The following BIN2 variants were observed in gnomAD, a reference collection of about 807,000 sequenced individuals.
BIN2 encodes breast cancer associated protein BRAP1.
Under a neutral mutation model 67.9 loss-of-function variants are expected in BIN2, and 43 were observed. The ratio of observed to expected loss-of-function variants is 0.63; its 90% CI spans 0.50 to 0.82. BIN2 has a LOEUF of 0.82. Ranked by LOEUF, BIN2 falls within the 40% of genes least tolerant of loss-of-function variation. The pLI is 0.00. For missense variants in BIN2, 581 were observed against 671.6 expected (o/e 0.87, Z 1.49); for synonymous variants, 244 against 246.8 (o/e 0.99, Z 0.11).
intron 11 of BIN2, among the ~76,000 whole-genome samples, chr12:51,285,251 A>T (rs1462772236): frequency 6.6e-6 from 1 of 152,144 alleles, no homozygotes; most frequent in Non-Finnish European, 1.5e-5. Context: ...TTTGGGAAAA[A>T]TTTTAGGTTC....
At chr12:51,283,785 G>A (rs748679459) in intron 12 of BIN2, among the ~76,000 whole-genome samples, 9 of 151,940 alleles carry the variant, frequency 5.9e-5, no homozygotes, top group Non-Finnish European at 1.3e-4. Context: ...ATCTGAGGTC[G>A]GGAGTTTGAG....
At chr12:51,301,243 CA>C (rs772588515) in intron 5 of BIN2, among the ~76,000 whole-genome samples, 1 of 150,514 alleles carries the variant, frequency 6.6e-6, no homozygotes, top group Admixed American at 6.6e-5. Context: ...AAAACAAAAA[CA>C]AAAAAAAACT....
chr12:51,313,677 A>G, intron 2 of BIN2, 146 bp downstream of exon 2: 1 of 670,144 alleles, frequency 1.5e-6, no homozygotes, highest in Non-Finnish European at 2.6e-6. Flanking sequence ...AGGATAAGCA[A>G]CAGGTCACCC....
At chr12:51,320,305 C>T (rs908834487) in intron 1 of BIN2, among the ~76,000 whole-genome samples, 6 of 152,184 alleles carry the variant, frequency 3.9e-5, no homozygotes, top group African/African-American at 1.4e-4. Flanking sequence ...CAGGCATGAG[C>T]CATGGCGCTT....
intron 9 of BIN2, among the ~76,000 whole-genome samples, chr12:51,295,563 A>T (rs1167762493): frequency 2.7e-4 from 2 of 7,364 alleles, no homozygotes; most frequent in African/African-American, 1.0e-3. Context: ...ACTCCGTCTC[A>T]AAAAAAAAAA....
At chr12:51,296,904 G>A (rs534885246) in intron 8 of BIN2, among the ~76,000 whole-genome samples, 185 bp downstream of exon 8, 8 of 152,198 alleles carry the variant, frequency 5.3e-5, no homozygotes, top group African/African-American at 9.6e-5. Flanking sequence ...GAGGGCCCTC[G>A]GATAGTGTAT....
chr12:51,287,987 A>G, intron 11 of BIN2, 121 bp downstream of exon 11: 1 of 698,384 alleles, frequency 1.4e-6, no homozygotes, highest in Non-Finnish European at 2.4e-6. Context: ...TAGGGCCCTC[A>G]GTGCTTCATG....
chr12:51,319,162 A>G (rs1461264176), intron 1 of BIN2, among the ~76,000 whole-genome samples: 3 of 152,220 alleles, frequency 2.0e-5, no homozygotes, highest in African/African-American at 4.8e-5. Flanking sequence ...GAAAAAACAG[A>G]AAAGAGAAAA....
At chr12:51,313,584 G>A (rs1360987934) in intron 2 of BIN2, among the ~76,000 whole-genome samples, 5 of 151,838 alleles carry the variant, frequency 3.3e-5, no homozygotes, top group East Asian at 1.9e-4. Flanking sequence ...CAGGTGATCC[G>A]CCCGCCTCGC....
At chr12:51,320,934 A>ACACACACACAC (rs1565693311) in intron 1 of BIN2, among the ~76,000 whole-genome samples, 2 of 39,082 alleles carry the variant, frequency 5.1e-5, no homozygotes, top group Non-Finnish European at 1.2e-4. Context: ...TATCATACTA[A>ACACACACACAC]AAACACACAC....
intron 2 of BIN2, among the ~76,000 whole-genome samples, chr12:51,311,257 G>T (rs1479345898): frequency 6.6e-6 from 1 of 151,886 alleles, no homozygotes; most frequent in Non-Finnish European, 1.5e-5. Context: ...CTCCTGTGTT[G>T]CCGGGTTTGT....
chr12:51,284,480 A>G (rs1164403666), intron 12 of BIN2, among the ~76,000 whole-genome samples: 1 of 152,176 alleles, frequency 6.6e-6, no homozygotes, highest in Non-Finnish European at 1.5e-5. Context: ...TTTGAGATTT[A>G]ATTAAATAAA....
At position 51,302,087 on chromosome 12, in the gene BIN2, T is replaced by G; in HGVS notation, c.341A>C (p.Glu114Ala). ...WNNDLLWEDY[E>A]EKLADQAVRT... ...TACAGCCTGGTCAGCCAGTTTCTCC[T>G]CGTAGTCTTCCCAAAGGAGATCATT... Residue 114 changes from glutamate (E) to alanine (A), a missense_variant, in exon 5 of 13, where the codon GAG (glutamate) becomes GCG (alanine). Physicochemically the swap from Glu to Ala is moderately radical, Grantham distance 107. Transcript: ENST00000615107. 6.2e-7 allele frequency: 1 copy of G among 1,613,416 alleles called. No individual in the cohort carries two copies. The highest frequency in any genetic ancestry group is 8.5e-7 in the Non-Finnish European group (1 of 1,179,328).
intron 10 of BIN2, among the ~76,000 whole-genome samples, chr12:51,288,751 CTTTT>C (rs11286254): frequency 4.2e-5 from 6 of 141,374 alleles, no homozygotes; most frequent in Non-Finnish European, 6.2e-5. Flanking sequence ...TATCCTAGAT[CTTTT>C]TTTTTTTTTT....
chr12:51,322,053 A>G lies in BIN2; in HGVS notation c.81+1969T>C, dbSNP rs561945017. 5.3e-5 allele frequency among the ~76,000 whole-genome samples: 8 copies of G among 152,308 alleles called. No homozygotes were observed. The South Asian group carries it at 1.7e-3, about 32-fold the overall frequency. On this transcript the variant is annotated intron_variant, in intron 1 of 12. Coordinates refer to ENST00000615107, the MANE Select transcript of BIN2 (RefSeq NM_016293.4). ...TTTCTTCATCAGCTGGGAATTCCTC[A>G]TGGCAGATTTGAGTTTGCTCCTCTT...
At chr12:51,305,818 TTTTC>T (rs1432093208) in intron 2 of BIN2, among the ~76,000 whole-genome samples, 1 of 136,980 alleles carries the variant, frequency 7.3e-6, no homozygotes, top group African/African-American at 2.7e-5. Flanking sequence ...GAGCTCACTG[TTTTC>T]TTTCTTTTTT....
intron 9 of BIN2, among the ~76,000 whole-genome samples, chr12:51,293,819 G>T (rs903433128): frequency 6.6e-6 from 1 of 152,116 alleles, no homozygotes; most frequent in African/African-American, 2.4e-5. Flanking sequence ...GAATGAATAA[G>T]TCTGACAATT....
chr12:51,301,292 G>T (rs912026308), intron 5 of BIN2, among the ~76,000 whole-genome samples: 3 of 151,938 alleles, frequency 2.0e-5, no homozygotes, highest in African/African-American at 4.8e-5. Context: ...CTGCTTTCTG[G>T]AACAGAAAGC....
At chr12:51,313,433 G>T (rs2137429951) in intron 2 of BIN2, among the ~76,000 whole-genome samples, 1 of 151,830 alleles carries the variant, frequency 6.6e-6, no homozygotes. Context: ...CTGCCTCCCA[G>T]GTTCAAGTGA....
Sources: gnomAD v4.1 joint callset for allele counts (sites outside exome capture counted in the v4.1 genomes callset) on GRCh38, gnomAD v4.1.1 for gene constraint, MANE v1.5 for transcripts, NCBI Gene and HGNC (gene_info 2026-07-23, HGNC 2026-07-21) for gene names.